The following INPP4B variants were observed in gnomAD, a reference collection of about 807,000 sequenced individuals.
INPP4B encodes inositol polyphosphate-4-phosphatase type II B, also known as inositol polyphosphate 4-phosphatase type II.
Under a neutral mutation model 122.5 loss-of-function variants are expected in INPP4B, and 55 were observed. The ratio of observed to expected loss-of-function variants is 0.45; its 90% CI spans 0.36 to 0.56. INPP4B has a LOEUF of 0.56. Ranked by LOEUF, INPP4B falls within the 20% of genes least tolerant of loss-of-function variation. The pLI is 0.00. For missense variants in INPP4B, 1,000 were observed against 1,097.7 expected, an observed-to-expected ratio of 0.91 and a Z score of 1.26; for synonymous variants, 403 against 388.7, an observed-to-expected ratio of 1.04 and a Z score of -0.43.
intron 2 of INPP4B, among the ~76,000 whole-genome samples, chr4:142,613,981 C>T (rs549710008): frequency 6.8e-4 from 104 of 152,320 alleles, no homozygotes; most frequent in Non-Finnish European, 8.8e-4. Context: ...CAAACCTATA[C>T]TTAAACACAG....
At chr4:142,753,279 A>G (rs980125397) in intron 1 of INPP4B, among the ~76,000 whole-genome samples, 8 of 152,124 alleles carry the variant, frequency 5.3e-5, no homozygotes, top group Admixed American at 3.3e-4. Context: ...CTAAATGTAC[A>G]TGGAGGAGTG....
chr4:142,164,025 A>AT (rs993134549), intron 16 of INPP4B, among the ~76,000 whole-genome samples: 4 of 151,842 alleles, frequency 2.6e-5, no homozygotes, highest in Non-Finnish European at 4.4e-5. Flanking sequence ...GATCTATTTT[A>AT]TTTTTTCATA....
intron 2 of INPP4B, among the ~76,000 whole-genome samples, chr4:142,700,946 A>G (rs1277641676): frequency 6.6e-6 from 1 of 152,220 alleles, no homozygotes; most frequent in African/African-American, 2.4e-5. Context: ...AAGATCATGT[A>G]TCAGTCAGGG....
chr4:142,391,152 T>C (rs759775137), intron 7 of INPP4B, among the ~76,000 whole-genome samples: 5 of 152,254 alleles, frequency 3.3e-5, no homozygotes, highest in Non-Finnish European at 1.5e-5. Flanking sequence ...ATATACAATT[T>C]GAATAAATTC....
intron 1 of INPP4B, among the ~76,000 whole-genome samples, chr4:142,836,434 G>A (rs887140086): frequency 3.9e-5 from 6 of 152,100 alleles, no homozygotes; most frequent in East Asian, 1.9e-4. Flanking sequence ...GTGTGCGCGC[G>A]TGTGTGTATA....
intron 2 of INPP4B, among the ~76,000 whole-genome samples, chr4:142,512,977 T>C (rs1197405711): frequency 6.6e-6 from 1 of 152,214 alleles, no homozygotes; most frequent in Non-Finnish European, 1.5e-5. Context: ...GAATTAAAAA[T>C]TTGACATATA....
intron 3 of INPP4B, among the ~76,000 whole-genome samples, chr4:142,457,796 C>CT (rs1006195447): frequency 2.6e-5 from 4 of 152,130 alleles, no homozygotes; most frequent in African/African-American, 9.7e-5. Context: ...GTGTTTCACT[C>CT]TGTTGCCCAG....
chr4:142,064,317 G>T (rs1762431075), intron 25 of INPP4B, among the ~76,000 whole-genome samples: 1 of 152,098 alleles, frequency 6.6e-6, no homozygotes, highest in South Asian at 2.1e-4. Context: ...TCAAACCACA[G>T]AGGAAAAAAA....
In INPP4B at chr4:142,497,124, C is replaced by T. The variant is rs562722180; in HGVS notation, c.-190-34398G>A. 1.1e-4 allele frequency among the ~76,000 whole-genome samples: 16 copies of T among 152,198 alleles called. No homozygotes were observed. In the East Asian group the frequency reaches 3.1e-3, roughly 29 times the overall value. On this transcript the variant is annotated intron_variant, in intron 2 of 25. Coordinates refer to ENST00000262992, the MANE Select transcript of INPP4B (RefSeq NM_001101669.3). ...CATTGGCTCTCATAAAAAGCCACAT[C>T]TGAATGTTTGTGGCCACCCTGTTTC...
Position 142,531,534 on chromosome 4 carries a change from G to A in INPP4B, c.-190-68808C>T, listed in dbSNP as rs529422615. 1.1e-4 allele frequency among the ~76,000 whole-genome samples: 17 copies of A among 152,168 alleles called. No individual in the cohort carries two copies. In the East Asian group the frequency reaches 1.9e-3, roughly 17 times the overall value. On this transcript the variant is annotated intron_variant, in intron 2 of 25. Coordinates refer to ENST00000262992, the MANE Select transcript of INPP4B (RefSeq NM_001101669.3). Reference sequence around the variant, plus strand: ...GTAGCTGCCTGTGGACATTTGTGTCGTCTATGAGAAATAATTTCTCTTTTC... The same window carrying A: ...GTAGCTGCCTGTGGACATTTGTGTCATCTATGAGAAATAATTTCTCTTTTC...
intron 1 of INPP4B, among the ~76,000 whole-genome samples, chr4:142,821,733 T>C (rs1322368510): frequency 1.3e-5 from 2 of 152,148 alleles, no homozygotes; most frequent in African/African-American, 4.8e-5. Flanking sequence ...AATTACCTCA[T>C]AGAATTGTGG....
chr4:142,638,546 C>CTT (rs3080813), intron 2 of INPP4B, among the ~76,000 whole-genome samples: 69,522 of 134,168 alleles, frequency 0.52, 21,236 homozygotes, highest in East Asian at 0.78. Flanking sequence ...TGTCTATTCT[C>CTT]TTTTTTTTTT....
intron 9 of INPP4B, among the ~76,000 whole-genome samples, chr4:142,273,743 T>C (rs1747043122): frequency 6.6e-6 from 1 of 151,922 alleles, no homozygotes; most frequent in Non-Finnish European, 1.5e-5. Flanking sequence ...TATAGAATTC[T>C]AGCATAAATT....
intron 16 of INPP4B, among the ~76,000 whole-genome samples, chr4:142,165,915 G>A (rs1188794470): frequency 6.6e-6 from 1 of 151,642 alleles, no homozygotes; most frequent in African/African-American, 2.4e-5. Flanking sequence ...TAGCTGTTCT[G>A]GTAGGTGGCT....
At chr4:142,181,404 AAAAC>A (rs1257331430) in intron 15 of INPP4B, among the ~76,000 whole-genome samples, 1 of 152,244 alleles carries the variant, frequency 6.6e-6, no homozygotes, top group East Asian at 1.9e-4. Context: ...GAGGAAAGAC[AAAAC>A]AAACATTCAA....
intron 3 of INPP4B, among the ~76,000 whole-genome samples, chr4:142,461,104 C>T (rs759804236): frequency 8.6e-5 from 13 of 151,994 alleles, no homozygotes; most frequent in Non-Finnish European, 1.6e-4. Flanking sequence ...CCTGGGAGGT[C>T]GAAGCTGCAG....
At chr4:142,362,826 G>A (rs573679623) in intron 7 of INPP4B, among the ~76,000 whole-genome samples, 144 of 152,008 alleles carry the variant, frequency 9.5e-4, no homozygotes, top group Non-Finnish European at 1.8e-3. Context: ...TGGACATTGA[G>A]TTTTCCAAAC....
chr4:142,233,438 T>C (rs996391604), intron 12 of INPP4B, among the ~76,000 whole-genome samples: 2 of 152,334 alleles, frequency 1.3e-5, no homozygotes, highest in African/African-American at 4.8e-5. Flanking sequence ...TCTGTCTTTA[T>C]GGAGAAAAAA....
At chr4:142,241,032 C>T (rs1453948239) in intron 11 of INPP4B, among the ~76,000 whole-genome samples, 2 of 152,094 alleles carry the variant, frequency 1.3e-5, no homozygotes, top group African/African-American at 2.4e-5. Context: ...AGCATACACA[C>T]TCTGCTCACA....
Sources: gnomAD v4.1 joint callset for allele counts (sites outside exome capture counted in the v4.1 genomes callset) on GRCh38, gnomAD v4.1.1 for gene constraint, MANE v1.5 for transcripts, NCBI Gene and HGNC (gene_info 2026-07-23, HGNC 2026-07-21) for gene names.